Variants in AIG1 observed in about 807,000 individuals in gnomAD.
AIG1 encodes the protein androgen-induced gene 1 protein.
In AIG1, 23 loss-of-function variants were observed where a neutral mutation model predicts 31.4. The ratio of observed to expected loss-of-function variants is 0.73; its 90% confidence interval spans 0.53 to 1.04. AIG1 has a LOEUF of 1.04. Among genes scored for constraint, AIG1 ranks in the 50% least tolerant of loss-of-function variants. The probability of loss-of-function intolerance (pLI) is 0.00; values close to 1 mark genes in which losing one functional copy is unlikely to be tolerated. For synonymous variants in AIG1, 100 were observed against 110.5 expected (o/e 0.90, Z 0.60); for missense variants, 274 against 295.0 (o/e 0.93, Z 0.52).
intron 2 of AIG1, among the ~76,000 whole-genome samples, chr6:143,162,495 C>T (rs1274233583): frequency 1.3e-5 from 2 of 152,204 alleles, no homozygotes; most frequent in Non-Finnish European, 2.9e-5. Flanking sequence ...AGAATTCCAA[C>T]ATGATGCCAA....
chr6:143,260,422 C>A (rs1431178279), intron 3 of AIG1, among the ~76,000 whole-genome samples: 1 of 152,184 alleles, frequency 6.6e-6, no homozygotes, highest in Non-Finnish European at 1.5e-5. Context: ...GAATTTGAAT[C>A]TATTCTCTGC....
chr6:143,173,109 G>A (rs566942078), intron 3 of AIG1, among the ~76,000 whole-genome samples: 46 of 151,842 alleles, frequency 3.0e-4, no homozygotes, highest in Admixed American at 4.6e-4. Flanking sequence ...AGGCTAGAGT[G>A]CAGTGGTACA....
chr6:143,109,715 T>A (rs2128490006), intron 1 of AIG1, among the ~76,000 whole-genome samples: 1 of 152,286 alleles, frequency 6.6e-6, no homozygotes, highest in South Asian at 2.1e-4. Context: ...CTTTGCCGTT[T>A]AAAAATACTG....
intron 3 of AIG1, among the ~76,000 whole-genome samples, chr6:143,272,587 G>A (rs1796611098): frequency 6.6e-6 from 1 of 152,244 alleles, no homozygotes; most frequent in Admixed American, 6.5e-5. Flanking sequence ...GCATAGAAAT[G>A]TGAGGCTGAT....
chr6:143,205,994 C>G (rs1791080009), intron 3 of AIG1, among the ~76,000 whole-genome samples: 1 of 152,196 alleles, frequency 6.6e-6, no homozygotes, highest in African/African-American at 2.4e-5. Context: ...ATCTATATAT[C>G]TATTCATTTG....
At chr6:143,060,851 C>G (rs1046067830), upstream of AIG1, 12 of 1,048,908 alleles carry the variant, frequency 1.1e-5, no homozygotes, top group Non-Finnish European at 1.4e-5. Flanking sequence ...TCCCACGGCG[C>G]CCGCCCCCGC....
At chr6:143,264,382 G>A (rs992507059) in intron 3 of AIG1, among the ~76,000 whole-genome samples, 1 of 152,100 alleles carries the variant, frequency 6.6e-6, no homozygotes, top group African/African-American at 2.4e-5. Flanking sequence ...TCTTTTTTAT[G>A]AGATGTTCTC....
At chr6:143,152,627 G>A (rs1785340183) in intron 2 of AIG1, among the ~76,000 whole-genome samples, 1 of 152,142 alleles carries the variant, frequency 6.6e-6, no homozygotes, top group Non-Finnish European at 1.5e-5. Context: ...ATTCTAAATG[G>A]ATCTAACTCT....
chr6:143,181,199 G>A (rs773815408), intron 3 of AIG1, among the ~76,000 whole-genome samples: 13 of 151,990 alleles, frequency 8.6e-5, no homozygotes, highest in Non-Finnish European at 1.8e-4. Context: ...TTTTCCACAC[G>A]TATTCTAAAG....
chr6:143,234,127 A>T (rs1296305873), intron 3 of AIG1, among the ~76,000 whole-genome samples: 1 of 152,096 alleles, frequency 6.6e-6, no homozygotes, highest in Non-Finnish European at 1.5e-5. Flanking sequence ...ACCTCTGCCC[A>T]TCTAGGTCGG....
At chr6:143,259,592 G>C (rs1795605122) in intron 3 of AIG1, among the ~76,000 whole-genome samples, 1 of 152,102 alleles carries the variant, frequency 6.6e-6, no homozygotes, top group Non-Finnish European at 1.5e-5. Context: ...TTATCACCTA[G>C]CTAAGAATTC....
At chr6:143,149,131 C>T (rs1157337199) in intron 2 of AIG1, among the ~76,000 whole-genome samples, 1 of 152,168 alleles carries the variant, frequency 6.6e-6, no homozygotes, top group African/African-American at 2.4e-5. Context: ...TTTGACAAAC[C>T]TAACCTAATT....
At chr6:143,094,636 TAG>T (rs1451078196) in intron 1 of AIG1, among the ~76,000 whole-genome samples, 3 of 152,162 alleles carry the variant, frequency 2.0e-5, no homozygotes, top group Non-Finnish European at 2.9e-5. Context: ...GATCTGGGAC[TAG>T]AATAGCACCC....
intron 3 of AIG1, among the ~76,000 whole-genome samples, chr6:143,234,969 C>T (rs1270851850): frequency 1.3e-5 from 2 of 152,124 alleles, no homozygotes; most frequent in Non-Finnish European, 2.9e-5. Context: ...GTTAAATGCA[C>T]TTCCCTTCCT....
chr6:143,225,303 A>T (rs1319576239), intron 3 of AIG1, among the ~76,000 whole-genome samples: 4 of 152,178 alleles, frequency 2.6e-5, no homozygotes, highest in Non-Finnish European at 4.4e-5. Context: ...GATCAGGTTC[A>T]TGTCTTAGAC....
chr6:143,227,255 G>A (rs2128628732), intron 3 of AIG1, among the ~76,000 whole-genome samples: 1 of 152,274 alleles, frequency 6.6e-6, no homozygotes, highest in East Asian at 1.9e-4. Context: ...GTCAACAAAT[G>A]CTTAGTTATG....
chr6:143,189,704 A>G, intron 3 of AIG1: 1 of 985,388 alleles, frequency 1.0e-6, no homozygotes, highest in Non-Finnish European at 1.2e-6. Context: ...TTTTTAACTG[A>G]AGAACACAAT....
At chr6:143,098,991 T>A (rs977099293) in intron 1 of AIG1, among the ~76,000 whole-genome samples, 2 of 152,200 alleles carry the variant, frequency 1.3e-5, no homozygotes, top group Admixed American at 1.3e-4. Context: ...TTGCCAAAGA[T>A]CAGAGAACCA....
intron 3 of AIG1, among the ~76,000 whole-genome samples, chr6:143,210,064 T>C (rs1452768191): frequency 6.6e-6 from 1 of 152,168 alleles, no homozygotes; most frequent in Non-Finnish European, 1.5e-5. Context: ...GGGAGGTAAT[T>C]TAATCATGGG....
Sources: allele counts gnomAD v4.1 joint callset (sites outside exome capture counted in the v4.1 genomes callset), GRCh38; gene constraint gnomAD v4.1.1; transcripts MANE v1.5; gene names NCBI Gene and HGNC (gene_info 2026-07-23, HGNC 2026-07-21).